Variants in ACTR6 observed in about 807,000 individuals in gnomAD.
ACTR6 encodes the protein actin related protein 6, also known as actin-related protein 6.
A neutral mutation model predicts 52.5 loss-of-function variants in ACTR6; 50 were observed. The ratio of observed to expected loss-of-function variants is 0.95; its 90% CI spans 0.76 to 1.20. The LOEUF is 1.20. ACTR6 is among the 50% of genes most tolerant of loss of function. The pLI is 0.00. For synonymous variants in ACTR6, 135 were observed against 147.2 expected (o/e 0.92, Z 0.60); for missense variants, 344 against 472.4 (o/e 0.73, Z 2.52).
chr12:100,206,695 G>T (rs2096115026), intron 3 of ACTR6, among the ~76,000 whole-genome samples: 1 of 149,706 alleles, frequency 6.7e-6, no homozygotes, highest in Non-Finnish European at 1.5e-5. Flanking sequence ...TTTAGGGGGA[G>T]TCTTGCTCTG....
intron 8 of ACTR6, among the ~76,000 whole-genome samples, chr12:100,216,698 C>G (rs2096124190): frequency 6.6e-6 from 1 of 152,178 alleles, no homozygotes; most frequent in East Asian, 1.9e-4. Flanking sequence ...CCCTTAAACT[C>G]AAGTCAGTGA....
rs749615201 is a variant in ACTR6, at chr12:100,220,081, G to T, written c.996G>T (p.Arg332=). 7 of 1,613,658 alleles carry T rather than the reference G, an allele frequency of 4.3e-6. No homozygotes were observed. The highest frequency in any genetic ancestry group is 2.7e-5 in the African/African-American group (2 of 74,834). The change falls in exon 10 of 11, where the codon CGG becomes CGT. Residue 332 remains arginine (R), a synonymous_variant. Coordinates refer to ENST00000188312, the MANE Select transcript of ACTR6 (RefSeq NM_022496.5). The part of the protein sequence containing the change: ...GNSLFPGFRD[R]VYSEVRCLTP... ...CCCTTTTCCCAGGATTTAGGGATCGGGTTTACTCAGAAGTTCGATGTCTTA... is the reference window on the plus strand; with the variant it reads ...CCCTTTTCCCAGGATTTAGGGATCGTGTTTACTCAGAAGTTCGATGTCTTA...
intron 3 of ACTR6, among the ~76,000 whole-genome samples, chr12:100,206,722 G>A (rs1273514197): frequency 6.7e-6 from 1 of 149,580 alleles, no homozygotes; most frequent in African/African-American, 2.5e-5. Context: ...AGGCTGCAGT[G>A]CAGTGGCATG....
rs1566299911 is a variant in ACTR6, at chr12:100,223,857, CAAGAG to C, written c.1138_1142del (p.Glu380LeufsTer7). On this transcript the variant is annotated frameshift_variant, in exon 11 of 11. Coordinates refer to ENST00000188312, the MANE Select transcript of ACTR6 (RefSeq NM_022496.5). LOFTEE classifies it high-confidence loss of function. The stretch of plus-strand genomic sequence containing the variant: ...GATGATTTTGAAGATATGGTGGTAA[CAAGAG>C]AAGATTACGAAGAAAATGGACATAG... The C allele has an allele frequency of 1.9e-6, 3 of 1,611,270 alleles. No homozygotes were observed. The African/African-American group carries it at 4.0e-5, about 22-fold the overall frequency.
chr12:100,216,864 T>G (rs1015263445), intron 8 of ACTR6, among the ~76,000 whole-genome samples: 6 of 152,182 alleles, frequency 3.9e-5, no homozygotes, highest in Non-Finnish European at 5.9e-5. Context: ...GGGTTAAAAG[T>G]GATTTATAGT....
intron 8 of ACTR6, 74 bp downstream of exon 8, chr12:100,212,602 A>G: frequency 8.9e-7 from 1 of 1,126,106 alleles, no homozygotes; most frequent in Non-Finnish European, 1.3e-6. Flanking sequence ...GGAGGCTAAG[A>G]TGGGAGTTAA....
At position 100,218,596 on chromosome 12, in the gene ACTR6, T is replaced by C. The variant is rs1435764784; in HGVS notation, c.922+10T>C. ...CAAAATCTACCTGAAGGTACATAAA[T>C]AGAGTAAAATACTAAAGAATTATAA... On this transcript the variant is annotated intron_variant, in intron 9 of 10. Coordinates refer to ENST00000188312, the MANE Select transcript of ACTR6 (RefSeq NM_022496.5). This position sits in a 1 kb window ranked among gnomAD's most constrained non-coding sequence, Gnocchi z 4.2. 7.6e-6 allele frequency: 11 copies of C among 1,439,468 alleles called. No individual in the cohort carries two copies. The highest frequency in any genetic ancestry group is 1.0e-5 in the Non-Finnish European group (11 of 1,082,102). 89.2% of individuals were successfully genotyped at this position (1,439,468 alleles called of 1,614,324 possible). A position where few individuals can be genotyped will look rare whatever the true frequency, so the allele number is the denominator to read the frequency against.
At chr12:100,207,289 C>T (rs777838804) in intron 3 of ACTR6, among the ~76,000 whole-genome samples, 2 of 152,006 alleles carry the variant, frequency 1.3e-5, no homozygotes, top group Admixed American at 6.6e-5. Flanking sequence ...AGGCTGGTCT[C>T]ATATTCCTAG....
chr12:100,221,579 T>G (rs1479606865), intron 10 of ACTR6: 1 of 152,060 alleles, frequency 6.6e-6, no homozygotes, highest in East Asian at 1.9e-4. Context: ...TAAATATATG[T>G]GTATACTTAT....
At chr12:100,217,221 G>A (rs1592846002) in intron 8 of ACTR6, among the ~76,000 whole-genome samples, 1 of 152,190 alleles carries the variant, frequency 6.6e-6, no homozygotes, top group Non-Finnish European at 1.5e-5. Context: ...AAGAATTCAT[G>A]GAGTATCTAC....
intron 10 of ACTR6, 89 bp downstream of exon 10, chr12:100,220,235 C>T (rs1158770710): frequency 7.5e-7 from 1 of 1,331,456 alleles, no homozygotes; most frequent in East Asian, 2.3e-5. Context: ...CTGGCTCTCC[C>T]ACGGTGGCAG....
At chr12:100,214,670 G>A (rs1005599556) in intron 8 of ACTR6, among the ~76,000 whole-genome samples, 7 of 152,120 alleles carry the variant, frequency 4.6e-5, no homozygotes, top group Admixed American at 4.6e-4. Context: ...ATGAATTTGA[G>A]GTTACAGTGA....
rs757011274 is a variant in ACTR6, at chr12:100,206,834, C to CTTT, written c.256-814_256-812dup. Among the ~76,000 whole-genome samples the CTTT allele has an allele frequency of 3.0e-3, 387 of 128,780 alleles. 6 individuals carry two copies. In the East Asian group the frequency reaches 0.035, roughly 12 times the overall value. The allele number at this position is 128,780 out of a possible 152,430, so 84.5% of individuals were successfully genotyped here. ...CAGGCATGCGCCACCACACCTGGCTCTTTTTTTTTTTTTTTTTGTATTTTT... is the reference window on the plus strand; with the variant it reads ...CAGGCATGCGCCACCACACCTGGCTCTTTTTTTTTTTTTTTTTTTTGTATTTTT... On this transcript the variant is annotated intron_variant, in intron 3 of 10. Coordinates refer to ENST00000188312, the MANE Select transcript of ACTR6 (RefSeq NM_022496.5).
intron 9 of ACTR6, among the ~76,000 whole-genome samples, chr12:100,219,141 C>T (rs2096126071): frequency 6.8e-6 from 1 of 147,418 alleles, no homozygotes; most frequent in Non-Finnish European, 1.5e-5. Context: ...CTAGCACAGG[C>T]CATGTGCTTT....
At chr12:100,214,964 T>A (rs142407782) in intron 8 of ACTR6, among the ~76,000 whole-genome samples, 25 of 152,316 alleles carry the variant, frequency 1.6e-4, no homozygotes, top group African/African-American at 5.5e-4. Context: ...ATACCAAACC[T>A]CTTTCTTACT....
At chr12:100,202,833 G>C (rs1240751440) in intron 1 of ACTR6, among the ~76,000 whole-genome samples, 1 of 151,176 alleles carries the variant, frequency 6.6e-6, no homozygotes, top group Non-Finnish European at 1.5e-5. Context: ...CTCCAGCCTG[G>C]GGCGACAAAG....
In ACTR6 at chr12:100,205,799, A is replaced by T. The variant is rs1475949312; in HGVS notation, c.255+55A>T. ...TATTTCCATGTTTAATTGTAATGAA[A>T]AATTAGAATTTACATTTTAAGATTT... On this transcript the variant is annotated intron_variant, in intron 3 of 10. Transcript: ENST00000188312. 3.9e-6 allele frequency: 4 copies of T among 1,014,934 alleles called. No homozygotes were observed. The Admixed American group carries it at 1.1e-4, about 28-fold the overall frequency. 62.9% of individuals were successfully genotyped at this position (1,014,934 alleles called of 1,614,324 possible).
At chr12:100,223,104 G>A (rs11110299) in intron 10 of ACTR6, among the ~76,000 whole-genome samples, 9,599 of 152,118 alleles carry the variant, frequency 0.063, 330 homozygotes, top group Middle Eastern at 0.14. Flanking sequence ...TTGGGAGGTC[G>A]AGGTGTGTGG....
rs1188654557 is a variant in ACTR6 at position 100,224,069 on chromosome 12, G to T, written c.*154G>T. On this transcript the variant is annotated 3_prime_UTR_variant, in exon 11 of 11. Coordinates refer to ENST00000188312, the MANE Select transcript of ACTR6 (RefSeq NM_022496.5). ...TTGCTAATTTTCAAAGGCTTCTTAGGTAGGTTACTACAGTAAACTGTAACT... is the reference window on the plus strand; with the variant it reads ...TTGCTAATTTTCAAAGGCTTCTTAGTTAGGTTACTACAGTAAACTGTAACT... 2 of 780,686 alleles carry T rather than the reference G, an allele frequency of 2.6e-6. No homozygotes were observed. The highest frequency in any genetic ancestry group is 3.8e-6 in the Non-Finnish European group (2 of 525,504). 48.4% of individuals were successfully genotyped at this position (780,686 alleles called of 1,614,324 possible).
Sources: gnomAD v4.1 joint callset for allele counts (sites outside exome capture counted in the v4.1 genomes callset) on GRCh38, gnomAD v4.1.1 for gene constraint, Gnocchi (gnomAD v3.1) non-coding constraint, MANE v1.5 for transcripts, NCBI Gene and HGNC (gene_info 2026-07-23, HGNC 2026-07-21) for gene names.